Variants in STAU2 observed in about 807,000 individuals in gnomAD.
The protein encoded by STAU2 is staufen double-stranded RNA binding protein 2, also known as double-stranded RNA-binding protein Staufen homolog 2.
In STAU2, 20 loss-of-function variants were observed where a neutral mutation model predicts 65.9. The observed-to-expected ratio is 0.30, with a 90% CI of 0.21 to 0.44. The LOEUF (loss-of-function observed/expected upper bound fraction) is 0.44, where lower values mean the gene tolerates loss of function less well. STAU2 is among the 20% of genes least tolerant of loss of function. The pLI, the probability that STAU2 is intolerant of heterozygous loss-of-function variation, is 1.00. For missense variants in STAU2, 558 were observed against 683.9 expected (o/e 0.82, Z 2.05); for synonymous variants, 232 against 233.9 (o/e 0.99, Z 0.07).
chr8:73,626,782 G>A (rs1297152046), intron 6 of STAU2, among the ~76,000 whole-genome samples: 1 of 152,160 alleles, frequency 6.6e-6, no homozygotes, highest in Non-Finnish European at 1.5e-5. Flanking sequence ...CCAACTGGGA[G>A]GCAGTAGAAC....
chr8:73,706,223 TCTC>T (rs1820493537), intron 4 of STAU2, among the ~76,000 whole-genome samples: 1 of 151,934 alleles, frequency 6.6e-6, no homozygotes. Context: ...TTCAAGCAAT[TCTC>T]CTGCCTCAGC....
chr8:73,706,853 C>A (rs1224551642), intron 4 of STAU2, among the ~76,000 whole-genome samples: 2 of 152,130 alleles, frequency 1.3e-5, no homozygotes, highest in Admixed American at 6.5e-5. Flanking sequence ...CCTTTAAAAC[C>A]CCAGCAGTGA....
chr8:73,728,545 T>C (rs1309068431), intron 3 of STAU2, among the ~76,000 whole-genome samples: 4 of 151,750 alleles, frequency 2.6e-5, no homozygotes, highest in Non-Finnish European at 5.9e-5. Flanking sequence ...ATTGCCATCC[T>C]AACGGCAATG....
chr8:73,617,497 C>T, intron 6 of STAU2, 46 bp from the exon 7 acceptor site: 2 of 1,538,456 alleles, frequency 1.3e-6, no homozygotes, highest in South Asian at 1.1e-5. Context: ...AATAAAACCA[C>T]TCTATAATCA....
intron 3 of STAU2, among the ~76,000 whole-genome samples, chr8:73,733,367 A>T (rs974686868): frequency 6.6e-6 from 1 of 152,200 alleles, no homozygotes; most frequent in Non-Finnish European, 1.5e-5. Context: ...GCCCTACTTC[A>T]GCTACTCATT....
chr8:73,716,728 A>AT (rs565320605), intron 3 of STAU2, among the ~76,000 whole-genome samples: 30 of 151,256 alleles, frequency 2.0e-4, no homozygotes, highest in Middle Eastern at 6.8e-3. Flanking sequence ...TTTACTTTTG[A>AT]TTTTTTTTTC....
At chr8:73,560,464 G>T (rs563931616) in intron 12 of STAU2, among the ~76,000 whole-genome samples, 1 of 152,282 alleles carries the variant, frequency 6.6e-6, no homozygotes, top group South Asian at 2.1e-4. Flanking sequence ...GAGTTGAACG[G>T]AAGCACTGAT....
intron 11 of STAU2, among the ~76,000 whole-genome samples, chr8:73,593,589 A>C (rs1810973496): frequency 6.6e-6 from 1 of 152,186 alleles, no homozygotes; most frequent in South Asian, 2.1e-4. Context: ...GTGTTTCTGC[A>C]AGAGTGTTTT....
chr8:73,513,165 ATTG>A (rs1157832516), intron 13 of STAU2, among the ~76,000 whole-genome samples: 2 of 151,802 alleles, frequency 1.3e-5, no homozygotes, highest in Non-Finnish European at 2.9e-5. Context: ...TTCCCTCGGG[ATTG>A]TTGTTCTTGC....
intron 13 of STAU2, among the ~76,000 whole-genome samples, chr8:73,442,763 T>C (rs1818255970): frequency 6.6e-6 from 1 of 152,200 alleles, no homozygotes; most frequent in Non-Finnish European, 1.5e-5. Context: ...AGTGATGGAA[T>C]CCTAATCCAT....
intron 13 of STAU2, among the ~76,000 whole-genome samples, chr8:73,457,544 CAA>C (rs1423351749): frequency 1.3e-5 from 2 of 152,150 alleles, no homozygotes; most frequent in Non-Finnish European, 2.9e-5. Flanking sequence ...AGATTTGGTA[CAA>C]AAAAGATATG....
In STAU2 at chr8:73,715,317, A is replaced by T. The variant is rs190179913; in HGVS notation, c.-17-6155T>A. On this transcript the variant is annotated intron_variant, in intron 3 of 14. Coordinates refer to ENST00000524300, the MANE Select transcript of STAU2 (RefSeq NM_001164380.2). ...TTAAAAATACAAAAATCAGCCAGGC[A>T]TGGTGGCACATGCCTGTAGTCCGAG... Among the ~76,000 whole-genome samples the T allele has an allele frequency of 7.9e-5, 12 of 152,034 alleles. No individual in the cohort carries two copies. In the East Asian group the frequency reaches 2.1e-3, roughly 27 times the overall value.
intron 6 of STAU2, among the ~76,000 whole-genome samples, chr8:73,660,216 G>T (rs979582138): frequency 6.6e-6 from 1 of 152,142 alleles, no homozygotes; most frequent in African/African-American, 2.4e-5. Context: ...CGGATCACAA[G>T]GTCAGGAGTT....
intron 12 of STAU2, among the ~76,000 whole-genome samples, chr8:73,581,217 T>C (rs1178386987): frequency 2.6e-5 from 4 of 152,206 alleles, no homozygotes; most frequent in African/African-American, 9.6e-5. Flanking sequence ...AGGTTATCTA[T>C]AAAGTGATTT....
intron 13 of STAU2, among the ~76,000 whole-genome samples, chr8:73,535,271 G>A (rs1563407272): frequency 6.6e-6 from 1 of 152,144 alleles, no homozygotes; most frequent in East Asian, 1.9e-4. Flanking sequence ...CCGGGTTCAC[G>A]CCATTCTCCT....
intron 3 of STAU2, among the ~76,000 whole-genome samples, chr8:73,737,242 C>T (rs1806497063): frequency 6.6e-6 from 1 of 151,692 alleles, no homozygotes; most frequent in Admixed American, 6.6e-5. Context: ...ACGATCTTGG[C>T]TCACCGCAAC....
chr8:73,666,857 T>C (rs988440613), intron 6 of STAU2, among the ~76,000 whole-genome samples: 1 of 152,162 alleles, frequency 6.6e-6, no homozygotes, highest in Non-Finnish European at 1.5e-5. Context: ...CACAAACCTA[T>C]TCTGAAAGCT....
At chr8:73,607,155 C>T (rs1056421017) in intron 9 of STAU2, among the ~76,000 whole-genome samples, 1 of 151,994 alleles carries the variant, frequency 6.6e-6, no homozygotes, top group Non-Finnish European at 1.5e-5. Context: ...GTCAATTATA[C>T]CTCAATAAAG....
chr8:73,539,566 G>C (rs1375626761), intron 13 of STAU2, among the ~76,000 whole-genome samples: 1 of 152,190 alleles, frequency 6.6e-6, no homozygotes, highest in African/African-American at 2.4e-5. Flanking sequence ...ATCTGGGCCA[G>C]GTGTGGTGGC....
Sources: allele counts gnomAD v4.1 joint callset (sites outside exome capture counted in the v4.1 genomes callset), GRCh38; gene constraint gnomAD v4.1.1; transcripts MANE v1.5; gene names NCBI Gene and HGNC (gene_info 2026-07-23, HGNC 2026-07-21).